Variants in DOCK4 observed in about 807,000 individuals in gnomAD.
DOCK4 encodes dedicator of cytokinesis 4.
A neutral mutation model predicts 268.1 loss-of-function variants in DOCK4; 97 were observed. The observed-to-expected ratio is 0.36, with a 90% CI of 0.31 to 0.43. The LOEUF is 0.43. DOCK4 is among the 20% of genes least tolerant of loss of function. DOCK4 has a pLI of 1.00. For missense variants in DOCK4, 2,145 were observed against 2,455.7 expected, an observed-to-expected ratio of 0.87 and a Z score of 2.67; for synonymous variants, 954 against 887.2, an observed-to-expected ratio of 1.08 and a Z score of -1.34.
In DOCK4 at chr7:112,028,030, C is replaced by A. The variant is rs139508257; in HGVS notation, c.38-23899G>T. Among the ~76,000 whole-genome samples the A allele has an allele frequency of 2.0e-3, 306 of 152,226 alleles. 2 individuals are homozygous for A. The highest frequency in any genetic ancestry group is 3.4e-3 in the Non-Finnish European group (230 of 68,006). On this transcript the variant is annotated intron_variant, in intron 1 of 52. Coordinates refer to ENST00000428084, the MANE Select transcript of DOCK4 (RefSeq NM_001363540.2). ...TACATCTGGGAGAGAGACAATAAAG[C>A]CTCCATGACAAAGATAGCCCTGAAC...
At chr7:112,005,460 T>A (rs762959931) in intron 1 of DOCK4, among the ~76,000 whole-genome samples, 8 of 152,192 alleles carry the variant, frequency 5.3e-5, no homozygotes, top group Admixed American at 6.5e-5. Context: ...AAGCACTAAT[T>A]TATGATATCA....
intron 1 of DOCK4, among the ~76,000 whole-genome samples, chr7:112,195,776 G>A (rs1389525319): frequency 6.6e-6 from 1 of 152,044 alleles, no homozygotes; most frequent in Non-Finnish European, 1.5e-5. Flanking sequence ...TTTGGTTAAT[G>A]TCCAATTGAT....
chr7:112,077,763 C>T (rs1808212700), intron 1 of DOCK4, among the ~76,000 whole-genome samples: 2 of 152,146 alleles, frequency 1.3e-5, no homozygotes, highest in Admixed American at 1.3e-4. Flanking sequence ...CTGGATAATA[C>T]AGCACTTGTA....
intron 1 of DOCK4, among the ~76,000 whole-genome samples, chr7:112,169,825 A>G (rs529298702): frequency 2.0e-5 from 3 of 152,320 alleles, no homozygotes; most frequent in African/African-American, 7.2e-5. Context: ...TCACCAGTCC[A>G]AATTCAGGGA....
intron 1 of DOCK4, among the ~76,000 whole-genome samples, chr7:112,032,867 GA>G (rs1053489863): frequency 3.4e-5 from 5 of 149,078 alleles, no homozygotes; most frequent in East Asian, 1.9e-4. Flanking sequence ...TACTTTCCAT[GA>G]AAAAAAAAGA....
chr7:111,979,568 C>T (rs1798454747), intron 7 of DOCK4, among the ~76,000 whole-genome samples: 1 of 151,876 alleles, frequency 6.6e-6, no homozygotes, highest in South Asian at 2.1e-4. Flanking sequence ...ATCCCCCCTC[C>T]ACCCCGCCAG....
At chr7:111,837,191 C>A (rs1803304335) in intron 25 of DOCK4, among the ~76,000 whole-genome samples, 1 of 151,958 alleles carries the variant, frequency 6.6e-6, no homozygotes, top group Admixed American at 6.6e-5. Flanking sequence ...GAAAAGATTT[C>A]TCTTGGAAAG....
intron 16 of DOCK4, among the ~76,000 whole-genome samples, chr7:111,883,193 T>C (rs1265079962): frequency 1.3e-5 from 2 of 152,166 alleles, no homozygotes; most frequent in Non-Finnish European, 2.9e-5. Flanking sequence ...GAAAAGTGTT[T>C]AGGCAAAGTA....
chr7:111,852,099 A>C (rs1438682110), intron 23 of DOCK4, among the ~76,000 whole-genome samples: 3 of 151,478 alleles, frequency 2.0e-5, no homozygotes, highest in Admixed American at 6.6e-5. Context: ...AGTAGCTGGG[A>C]TTACAGGCAT....
intron 30 of DOCK4, chr7:111,807,735 C>T (rs1380596970): frequency 6.6e-6 from 1 of 152,162 alleles, no homozygotes; most frequent in East Asian, 1.9e-4. Context: ...TCCAGGCTCC[C>T]AAAGTGCTGG....
intron 24 of DOCK4, among the ~76,000 whole-genome samples, chr7:111,846,371 C>T (rs1804104351): frequency 6.6e-6 from 1 of 152,206 alleles, no homozygotes; most frequent in Admixed American, 6.5e-5. Flanking sequence ...GCCATGAACA[C>T]AAATACTCTG....
intron 12 of DOCK4, among the ~76,000 whole-genome samples, chr7:111,927,527 T>A (rs1248331129): frequency 6.6e-6 from 1 of 152,242 alleles, no homozygotes; most frequent in Non-Finnish European, 1.5e-5. Flanking sequence ...TTTCAACATT[T>A]CCTTTTTAAC....
intron 16 of DOCK4, among the ~76,000 whole-genome samples, chr7:111,889,633 G>A (rs1808130967): frequency 6.6e-6 from 1 of 152,118 alleles, no homozygotes; most frequent in South Asian, 2.1e-4. Context: ...TAGGGACTAG[G>A]ATATAGCATA....
chr7:111,779,325 A>C (rs1476827286), intron 35 of DOCK4, among the ~76,000 whole-genome samples: 1 of 152,222 alleles, frequency 6.6e-6, no homozygotes, highest in Non-Finnish European at 1.5e-5. Context: ...TTTCCTAAGA[A>C]GTATTTAGAT....
intron 13 of DOCK4, among the ~76,000 whole-genome samples, chr7:111,908,566 T>C (rs961562078): frequency 1.3e-5 from 2 of 152,192 alleles, no homozygotes; most frequent in African/African-American, 4.8e-5. Flanking sequence ...AGTTCTGGGA[T>C]GCATGTACAG....
At chr7:111,844,516 G>A (rs1379807328) in intron 25 of DOCK4, among the ~76,000 whole-genome samples, 1 of 152,174 alleles carries the variant, frequency 6.6e-6, no homozygotes, top group Non-Finnish European at 1.5e-5. Flanking sequence ...AATTTAAACC[G>A]GGCATGGTAT....
chr7:111,868,940 T>C (rs1806200179), intron 21 of DOCK4, among the ~76,000 whole-genome samples: 1 of 152,198 alleles, frequency 6.6e-6, no homozygotes. Context: ...GTATACATTG[T>C]CTACTTAAAG....
intron 49 of DOCK4, among the ~76,000 whole-genome samples, chr7:111,737,788 C>T (rs1366620456): frequency 6.6e-6 from 1 of 152,162 alleles, no homozygotes; most frequent in Non-Finnish European, 1.5e-5. Flanking sequence ...CAGAGTTGCC[C>T]ATGCTGACAA....
intron 1 of DOCK4, among the ~76,000 whole-genome samples, chr7:112,139,238 C>T (rs1434717426): frequency 6.6e-6 from 1 of 152,134 alleles, no homozygotes; most frequent in Non-Finnish European, 1.5e-5. Context: ...GGTATGGAGG[C>T]TGGCTACCAC....
Sources: allele counts gnomAD v4.1 joint callset (sites outside exome capture counted in the v4.1 genomes callset), GRCh38; gene constraint gnomAD v4.1.1; transcripts MANE v1.5; gene names NCBI Gene and HGNC (gene_info 2026-07-23, HGNC 2026-07-21).